Variants in BBX observed in about 807,000 individuals in gnomAD.
The protein encoded by BBX is HMG box transcription factor BBX.
In BBX, 30 loss-of-function variants were observed where a neutral mutation model predicts 100.2. That is an observed-to-expected ratio of 0.30 (90% CI 0.22 to 0.41). The LOEUF is 0.41. Ranked by LOEUF, BBX falls within the 10% of genes least tolerant of loss-of-function variation. The pLI is 1.00. For missense variants in BBX, 1,023 were observed against 1,129.8 expected (o/e 0.91, Z 1.35); for synonymous variants, 376 against 388.1 (o/e 0.97, Z 0.37).
intron 3 of BBX, among the ~76,000 whole-genome samples, chr3:107,670,229 A>T (rs1446626248): frequency 6.6e-6 from 1 of 152,156 alleles, no homozygotes; most frequent in African/African-American, 2.4e-5. Context: ...GTAAGAGAAT[A>T]CATTTTCTAC....
chr3:107,692,540 C>A (rs1323049543), intron 3 of BBX, among the ~76,000 whole-genome samples: 1 of 152,166 alleles, frequency 6.6e-6, no homozygotes, highest in African/African-American at 2.4e-5. Context: ...TTTTTTATGG[C>A]TGCATAGTAG....
chr3:107,641,911 C>CT (rs2057235834), intron 2 of BBX: 1 of 152,120 alleles, frequency 6.6e-6, no homozygotes, highest in Non-Finnish European at 1.5e-5. Flanking sequence ...TATGTTGCCA[C>CT]TTTCTTTATT....
chr3:107,567,574 T>A (rs551988001), intron 2 of BBX, among the ~76,000 whole-genome samples: 9 of 152,326 alleles, frequency 5.9e-5, no homozygotes, highest in African/African-American at 2.2e-4. Flanking sequence ...TTTTTAAATT[T>A]CATTTGCCTG....
chr3:107,699,683 T>C (rs1450647728), intron 3 of BBX, among the ~76,000 whole-genome samples: 1 of 151,922 alleles, frequency 6.6e-6, no homozygotes, highest in Non-Finnish European at 1.5e-5. Context: ...TTTCAGTTTA[T>C]GAAGAGAAAC....
At chr3:107,616,232 G>GT (rs2055269436) in intron 2 of BBX, among the ~76,000 whole-genome samples, 1 of 151,554 alleles carries the variant, frequency 6.6e-6, no homozygotes, top group Admixed American at 6.6e-5. Context: ...TCACTGGAGC[G>GT]TTTCAGATTC....
At chr3:107,566,556 G>GTTT in intron 2 of BBX, among the ~76,000 whole-genome samples, 1 of 130,934 alleles carries the variant, frequency 7.6e-6, no homozygotes, top group Non-Finnish European at 1.6e-5. Context: ...TACCTTTTTT[G>GTTT]TTTTTTTTTT....
intron 3 of BBX, among the ~76,000 whole-genome samples, chr3:107,653,541 A>G (rs1200102484): frequency 6.6e-6 from 1 of 152,194 alleles, no homozygotes; most frequent in Admixed American, 6.5e-5. Context: ...GCTGATAGAC[A>G]AGAATATTGT....
At chr3:107,619,602 A>G (rs2055584704) in intron 2 of BBX, among the ~76,000 whole-genome samples, 1 of 151,228 alleles carries the variant, frequency 6.6e-6, no homozygotes, top group Non-Finnish European at 1.5e-5. Flanking sequence ...CCGTTTATTG[A>G]ATGTTTTTAG....
chr3:107,721,027 T>C (rs1057361657), intron 5 of BBX, among the ~76,000 whole-genome samples: 1 of 152,124 alleles, frequency 6.6e-6, no homozygotes. Context: ...CTTTGCCTAC[T>C]ATTAGAGTAG....
intron 4 of BBX, among the ~76,000 whole-genome samples, chr3:107,715,017 C>T (rs2062003286): frequency 6.6e-6 from 1 of 152,058 alleles, no homozygotes; most frequent in African/African-American, 2.4e-5. Flanking sequence ...ATCTCTTGAC[C>T]TCATGATCCT....
chr3:107,737,862 C>T (rs2063740724), intron 7 of BBX, among the ~76,000 whole-genome samples: 2 of 137,584 alleles, frequency 1.5e-5, no homozygotes, highest in African/African-American at 2.7e-5. Flanking sequence ...ACGCTTGGGA[C>T]CAGAAGTACT....
intron 2 of BBX, among the ~76,000 whole-genome samples, chr3:107,569,308 C>T (rs1216611820): frequency 6.6e-6 from 1 of 152,168 alleles, no homozygotes; most frequent in Non-Finnish European, 1.5e-5. Flanking sequence ...AAACTTACCA[C>T]GTTAACAGTA....
chr3:107,586,896 G>T (rs993836105), intron 2 of BBX, among the ~76,000 whole-genome samples: 2 of 151,856 alleles, frequency 1.3e-5, no homozygotes, highest in African/African-American at 4.8e-5. Flanking sequence ...GACTACAGAC[G>T]CATGCCACCA....
intron 2 of BBX, among the ~76,000 whole-genome samples, chr3:107,614,025 C>T (rs2055060106): frequency 1.4e-5 from 2 of 139,632 alleles, no homozygotes; most frequent in Admixed American, 7.8e-5. Flanking sequence ...AATCTCGGCT[C>T]ACTGGAACCT....
chr3:107,711,768 A>G (rs898864786), intron 4 of BBX, among the ~76,000 whole-genome samples: 1 of 152,112 alleles, frequency 6.6e-6, no homozygotes, highest in African/African-American at 2.4e-5. Flanking sequence ...ACACATTTGC[A>G]TGTGTTGATC....
chr3:107,606,081 C>G (rs746779308), intron 2 of BBX, among the ~76,000 whole-genome samples: 2 of 152,094 alleles, frequency 1.3e-5, no homozygotes, highest in African/African-American at 4.8e-5. Flanking sequence ...TTTTTCTCCC[C>G]TTTAAAAATT....
chr3:107,603,473 G>A (rs1231060246), intron 2 of BBX, among the ~76,000 whole-genome samples: 1 of 151,922 alleles, frequency 6.6e-6, no homozygotes. Flanking sequence ...CTGCATCCCA[G>A]GTTCAAGTGA....
chr3:107,749,859 C>T (rs934346339), intron 9 of BBX, among the ~76,000 whole-genome samples: 1 of 152,126 alleles, frequency 6.6e-6, no homozygotes, highest in African/African-American at 2.4e-5. Flanking sequence ...GTCACGAACT[C>T]CTGACCTCAG....
chr3:107,730,681 C>G (rs999197249), intron 6 of BBX, among the ~76,000 whole-genome samples: 3 of 152,074 alleles, frequency 2.0e-5, no homozygotes, highest in African/African-American at 7.2e-5. Context: ...TATTTAAGAT[C>G]AGTGTTCTCA....
Sources: allele counts gnomAD v4.1 joint callset (sites outside exome capture counted in the v4.1 genomes callset), GRCh38; gene constraint gnomAD v4.1.1; transcripts MANE v1.5; gene names NCBI Gene and HGNC (gene_info 2026-07-23, HGNC 2026-07-21).